CNTNAP2: variants seen among roughly 807,000 people sequenced by gnomAD.
The protein encoded by CNTNAP2 is contactin-associated protein-like 2.
In CNTNAP2, 98 loss-of-function variants were observed where a neutral mutation model predicts 155.2. The ratio of observed to expected loss-of-function variants is 0.63; its 90% confidence interval spans 0.54 to 0.75. The LOEUF (loss-of-function observed/expected upper bound fraction) is 0.75. Ranked by LOEUF, CNTNAP2 falls within the 30% of genes least tolerant of loss-of-function variation. CNTNAP2 has a pLI of 0.00. For synonymous variants in CNTNAP2, 651 were observed against 631.2 expected (o/e 1.03, Z -0.47); for missense variants, 1,727 against 1,688.1 (o/e 1.02, Z -0.40).
chr7:146,142,352 A>G (rs1370956491), intron 1 of CNTNAP2, among the ~76,000 whole-genome samples: 3 of 152,192 alleles, frequency 2.0e-5, no homozygotes, highest in African/African-American at 7.2e-5. Flanking sequence ...TAAATTTCAG[A>G]CAGACACTTG....
intron 1 of CNTNAP2, among the ~76,000 whole-genome samples, chr7:146,382,866 A>T (rs577631015): frequency 2.0e-5 from 3 of 152,312 alleles, no homozygotes; most frequent in African/African-American, 7.2e-5. Flanking sequence ...AATTATTTTT[A>T]AAAAATATCA....
chr7:146,552,597 C>T (rs2129142971), intron 1 of CNTNAP2, among the ~76,000 whole-genome samples: 2 of 152,210 alleles, frequency 1.3e-5, no homozygotes, highest in Middle Eastern at 6.8e-3. Flanking sequence ...CACTTCCCTC[C>T]TCTAACGACT....
At chr7:147,060,408 C>T (rs1009290586) in intron 4 of CNTNAP2, among the ~76,000 whole-genome samples, 6 of 152,166 alleles carry the variant, frequency 3.9e-5, no homozygotes, top group African/African-American at 1.4e-4. Context: ...ATCAATATCT[C>T]TTTCACTTAG....
At chr7:147,813,917 T>C (rs1309650382) in intron 13 of CNTNAP2, among the ~76,000 whole-genome samples, 3 of 152,182 alleles carry the variant, frequency 2.0e-5, no homozygotes, top group Non-Finnish European at 2.9e-5. Flanking sequence ...ATGTAAATTG[T>C]TTGGGCAATA....
intron 1 of CNTNAP2, among the ~76,000 whole-genome samples, chr7:146,125,858 T>C (rs1401100187): frequency 3.3e-5 from 5 of 152,178 alleles, no homozygotes; most frequent in Non-Finnish European, 4.4e-5. Context: ...TCTGTAACAA[T>C]TTACATTTTC....
At position 147,090,167 on chromosome 7, in the gene CNTNAP2, T is replaced by C. The variant is rs1044314891; in HGVS notation, c.551-17980T>C. Among the ~76,000 whole-genome samples, 9 of 152,198 alleles carry C rather than the reference T, an allele frequency of 5.9e-5. 1 individual carries two copies. On this transcript the variant is annotated intron_variant, in intron 4 of 23. Coordinates refer to ENST00000361727, the MANE Select transcript of CNTNAP2 (RefSeq NM_014141.6). ...GCATGTTATGGTAAAAATATGGCCC[T>C]GTTCTCCTTCCAGGCATGAGTCAAT...
At chr7:148,217,191 C>T (rs953076205) in intron 18 of CNTNAP2, 97 bp from the exon 19 acceptor site, 13 of 1,148,134 alleles carry the variant, frequency 1.1e-5, no homozygotes, top group Non-Finnish European at 1.7e-5. Context: ...CTTCCTGGAG[C>T]CAGTGCCTGC....
intron 1 of CNTNAP2, among the ~76,000 whole-genome samples, chr7:146,233,623 A>C (rs1019971296): frequency 1.3e-5 from 2 of 151,220 alleles, no homozygotes; most frequent in African/African-American, 4.9e-5. Context: ...CCTTCCCCCC[A>C]CACCACAACA....
intron 1 of CNTNAP2, among the ~76,000 whole-genome samples, chr7:146,522,520 C>G (rs1244749466): frequency 6.6e-6 from 1 of 151,746 alleles, no homozygotes; most frequent in Non-Finnish European, 1.5e-5. Flanking sequence ...TCTTCTATGT[C>G]TAAGATAATA....
intron 8 of CNTNAP2, among the ~76,000 whole-genome samples, chr7:147,150,879 A>G (rs1232639248): frequency 6.6e-6 from 1 of 152,226 alleles, no homozygotes; most frequent in East Asian, 1.9e-4. Flanking sequence ...GAAGGATCAG[A>G]CAAAACCCCA....
At chr7:146,158,150 C>G (rs1398391359) in intron 1 of CNTNAP2, among the ~76,000 whole-genome samples, 2 of 152,198 alleles carry the variant, frequency 1.3e-5, no homozygotes, top group Non-Finnish European at 2.9e-5. Context: ...CCAGCAAACT[C>G]CAACAGACCA....
At chr7:146,603,239 C>T (rs347186) in intron 1 of CNTNAP2, among the ~76,000 whole-genome samples, 16,320 of 150,980 alleles carry the variant, frequency 0.11, 2,230 homozygotes, top group African/African-American at 0.3. Context: ...GGTGAAACCC[C>T]GTCTCTACTA....
intron 11 of CNTNAP2, among the ~76,000 whole-genome samples, chr7:147,505,711 G>T (rs1798894942): frequency 6.6e-6 from 1 of 152,202 alleles, no homozygotes; most frequent in South Asian, 2.1e-4. Flanking sequence ...CTTAAACGCT[G>T]TAGTTCCCAA....
intron 13 of CNTNAP2, among the ~76,000 whole-genome samples, chr7:147,826,954 G>A (rs1389388918): frequency 1.3e-4 from 18 of 136,118 alleles, no homozygotes; most frequent in East Asian, 6.2e-4. Context: ...TTTTTGAGAC[G>A]GAGTCTTGCT....
At chr7:148,126,257 G>A (rs762302835) in intron 16 of CNTNAP2, among the ~76,000 whole-genome samples, 1 of 152,162 alleles carries the variant, frequency 6.6e-6, no homozygotes, top group Non-Finnish European at 1.5e-5. Context: ...CCCATGCTGC[G>A]AGGGTTACGG....
chr7:146,198,069 G>T (rs1311784905), intron 1 of CNTNAP2, among the ~76,000 whole-genome samples: 1 of 151,916 alleles, frequency 6.6e-6, no homozygotes, highest in Non-Finnish European at 1.5e-5. Context: ...ACCGCATGGG[G>T]GAAATCACCC....
At chr7:146,884,277 G>T (rs920767995) in intron 3 of CNTNAP2, among the ~76,000 whole-genome samples, 1 of 152,134 alleles carries the variant, frequency 6.6e-6, no homozygotes, top group Non-Finnish European at 1.5e-5. Flanking sequence ...CATATAAGTG[G>T]ACCTGCACAG....
At chr7:147,407,467 CAAAAAAAAAAAAAAAAAAAAAAA>C (rs768738493) in intron 10 of CNTNAP2, among the ~76,000 whole-genome samples, 2 of 64,864 alleles carry the variant, frequency 3.1e-5, no homozygotes, top group Admixed American at 2.4e-4. Flanking sequence ...GACTCCCTCT[CAAAAAAAAAAAAAAAAAAAAAAA>C]AAAAAAAAAA....
At chr7:147,933,494 G>GAGATAGAT (rs71183037) in intron 14 of CNTNAP2, among the ~76,000 whole-genome samples, 21,054 of 120,560 alleles carry the variant, frequency 0.17, 1,527 homozygotes, top group Middle Eastern at 0.24. Context: ...CAGAAAATGT[G>GAGATAGAT]AGATAGATAG....
Sources: allele counts gnomAD v4.1 joint callset (sites outside exome capture counted in the v4.1 genomes callset), GRCh38; gene constraint gnomAD v4.1.1; transcripts MANE v1.5; gene names NCBI Gene and HGNC (gene_info 2026-07-23, HGNC 2026-07-21).